The following CHRM3 variants were observed in gnomAD, a reference collection of about 807,000 sequenced individuals.
CHRM3 encodes the protein muscarinic acetylcholine receptor M3.
In CHRM3, 11 loss-of-function variants were observed where a neutral mutation model predicts 41.8. The observed-to-expected ratio is 0.26, with a 90% CI of 0.17 to 0.44. The LOEUF is 0.44. CHRM3 is among the 20% of genes least tolerant of loss of function. The pLI, the probability that CHRM3 is intolerant of heterozygous loss-of-function variation, is 1.00. For missense variants in CHRM3, 571 were observed against 745.4 expected, an observed-to-expected ratio of 0.77 and a Z score of 2.72; for synonymous variants, 297 against 301.4, an observed-to-expected ratio of 0.99 and a Z score of 0.15.
At chr1:239,750,784 A>G (rs1344326269) in intron 5 of CHRM3, among the ~76,000 whole-genome samples, 2 of 152,216 alleles carry the variant, frequency 1.3e-5, no homozygotes, top group Non-Finnish European at 2.9e-5. Context: ...ACAATGTAGC[A>G]TCATAGTCTC....
At chr1:239,462,572 A>T (rs937720616) in intron 1 of CHRM3, among the ~76,000 whole-genome samples, 2 of 152,206 alleles carry the variant, frequency 1.3e-5, no homozygotes, top group Non-Finnish European at 2.9e-5. Context: ...AAATAATTTG[A>T]CTAGAAGTTA....
chr1:239,412,510 C>G (rs74149053), intron 1 of CHRM3, among the ~76,000 whole-genome samples: 3,211 of 149,376 alleles, frequency 0.021, 89 homozygotes, highest in African/African-American at 0.076. Flanking sequence ...GTTCCTCAGT[C>G]TCATTATTTG....
chr1:239,712,898 T>G (rs1331431633), intron 5 of CHRM3, among the ~76,000 whole-genome samples: 4 of 152,134 alleles, frequency 2.6e-5, no homozygotes, highest in Non-Finnish European at 2.9e-5. Flanking sequence ...AAAGACATAT[T>G]TTTGTCCTTT....
At chr1:239,494,803 T>C (rs1284463588) in intron 2 of CHRM3, among the ~76,000 whole-genome samples, 1 of 152,132 alleles carries the variant, frequency 6.6e-6, no homozygotes, top group Non-Finnish European at 1.5e-5. Flanking sequence ...GTATGTTTGG[T>C]TTTCTGTTCC....
intron 6 of CHRM3, among the ~76,000 whole-genome samples, chr1:239,901,000 G>A (rs538449755): frequency 6.6e-6 from 1 of 152,104 alleles, no homozygotes; most frequent in Non-Finnish European, 1.5e-5. Context: ...TGAAATCAAG[G>A]TGTTCGCCCA....
intron 6 of CHRM3, among the ~76,000 whole-genome samples, chr1:239,902,445 G>A (rs1472163879): frequency 1.3e-5 from 2 of 152,098 alleles, no homozygotes; most frequent in Non-Finnish European, 2.9e-5. Flanking sequence ...TTTCAACTCT[G>A]CTCTATTGCT....
chr1:239,835,145 T>A (rs555387834), intron 6 of CHRM3, among the ~76,000 whole-genome samples: 15 of 152,344 alleles, frequency 9.8e-5, no homozygotes, highest in African/African-American at 3.4e-4. Flanking sequence ...CCTTTAGCAG[T>A]GTTTTGTCTA....
intron 3 of CHRM3, among the ~76,000 whole-genome samples, chr1:239,568,304 C>A (rs1471356701): frequency 1.3e-5 from 2 of 152,112 alleles, no homozygotes; most frequent in South Asian, 2.1e-4. Flanking sequence ...ATAATTGAAT[C>A]ATGGGAGTGG....
At chr1:239,561,601 A>G (rs1405114011) in intron 3 of CHRM3, among the ~76,000 whole-genome samples, 5 of 151,806 alleles carry the variant, frequency 3.3e-5, no homozygotes, top group Non-Finnish European at 4.4e-5. Flanking sequence ...TTAAGAATAG[A>G]TAATAGTAAT....
At chr1:239,574,063 T>G (rs1662096142) in intron 3 of CHRM3, among the ~76,000 whole-genome samples, 1 of 152,132 alleles carries the variant, frequency 6.6e-6, no homozygotes, top group South Asian at 2.1e-4. Flanking sequence ...GCAAGCAGAC[T>G]TACCCTGGCA....
At chr1:239,832,984 C>G (rs1293292145) in intron 6 of CHRM3, among the ~76,000 whole-genome samples, 3 of 152,120 alleles carry the variant, frequency 2.0e-5, no homozygotes, top group Non-Finnish European at 4.4e-5. Context: ...CAGGTCCCAG[C>G]CTCATTTTTC....
At chr1:239,855,071 T>G (rs1038420388) in intron 6 of CHRM3, among the ~76,000 whole-genome samples, 1 of 152,140 alleles carries the variant, frequency 6.6e-6, no homozygotes, top group Non-Finnish European at 1.5e-5. Flanking sequence ...CAAATTGAAA[T>G]AGGTTTTATT....
chr1:239,644,306 A>G (rs1157974061), intron 4 of CHRM3, among the ~76,000 whole-genome samples: 2 of 152,112 alleles, frequency 1.3e-5, no homozygotes, highest in Non-Finnish European at 2.9e-5. Context: ...CAAAAGTGCA[A>G]TTGAAGGCCC....
intron 3 of CHRM3, among the ~76,000 whole-genome samples, chr1:239,588,408 C>T (rs1663657671): frequency 6.6e-6 from 1 of 152,080 alleles, no homozygotes; most frequent in African/African-American, 2.4e-5. Context: ...ATGCAGGAGA[C>T]CCTCAACAAA....
intron 2 of CHRM3, among the ~76,000 whole-genome samples, chr1:239,501,811 C>T (rs539282525): frequency 1.5e-3 from 228 of 152,122 alleles, no homozygotes; most frequent in Non-Finnish European, 2.0e-3. Context: ...GCTGAGATCG[C>T]GCTGCTGCAC....
intron 6 of CHRM3, among the ~76,000 whole-genome samples, chr1:239,901,699 T>C (rs1336337648): frequency 1.3e-5 from 2 of 152,200 alleles, no homozygotes; most frequent in Non-Finnish European, 2.9e-5. Flanking sequence ...ATTGCTTTTA[T>C]CTGCTGCATA....
At chr1:239,877,319 T>G (rs559858226) in intron 6 of CHRM3, among the ~76,000 whole-genome samples, 1 of 152,222 alleles carries the variant, frequency 6.6e-6, no homozygotes, top group African/African-American at 2.4e-5. Context: ...CAGTGGCACA[T>G]GCCTGTAGTC....
rs34727153 is a variant in CHRM3 at position 239,895,508 on chromosome 1, T to C, written c.-19-11925T>C. On this transcript the variant is annotated intron_variant, in intron 6 of 6. Coordinates refer to ENST00000676153, the MANE Select transcript of CHRM3 (RefSeq NM_001375978.1). ...CAAATTGTTCTACCCTATAGACACA[T>C]ACATGCATATGTTTATTACAGCACT... 1.4e-3 allele frequency among the ~76,000 whole-genome samples: 213 copies of C among 152,310 alleles called. 1 individual carries two copies. The highest frequency in any genetic ancestry group is 2.3e-3 in the Non-Finnish European group (158 of 68,034).
chr1:239,774,529 A>G (rs924125477), intron 5 of CHRM3, among the ~76,000 whole-genome samples: 9 of 152,176 alleles, frequency 5.9e-5, no homozygotes, highest in African/African-American at 2.2e-4. Context: ...TTGAGGCTGA[A>G]GTCTTTGGAT....
Sources: allele counts gnomAD v4.1 joint callset (sites outside exome capture counted in the v4.1 genomes callset), GRCh38; gene constraint gnomAD v4.1.1; transcripts MANE v1.5; gene names NCBI Gene and HGNC (gene_info 2026-07-23, HGNC 2026-07-21).